The following PTCH1 variants were observed in gnomAD, a reference collection of about 807,000 sequenced individuals.
PTCH1 encodes the protein protein patched homolog 1.
In PTCH1, 14 loss-of-function variants were observed where a neutral mutation model predicts 144.6. The observed-to-expected ratio is 0.10, with a 90% CI of 0.06 to 0.15. The LOEUF (loss-of-function observed/expected upper bound fraction) is 0.15. Ranked by LOEUF, PTCH1 falls within the 10% of genes least tolerant of loss-of-function variation. PTCH1 has a pLI of 1.00. For missense variants in PTCH1, 1,623 were observed against 1,948.3 expected (o/e 0.83, Z 3.14); for synonymous variants, 833 against 793.6 (o/e 1.05, Z -0.83).
At position 95,457,963 on chromosome 9, in the gene PTCH1, C is replaced by A. The variant is rs750349387; in HGVS notation, c.3168+50G>T. On this transcript the variant is annotated intron_variant, in intron 18 of 23. Coordinates refer to ENST00000331920, the MANE Select transcript of PTCH1 (RefSeq NM_000264.5). ...CAAAACTTCCCGGCTGCAGAAAGAG[C>A]TATGCTGAAAGGAATTTGACTTCCA... 5.0e-6 allele frequency: 8 copies of A among 1,609,658 alleles called. No individual in the cohort carries two copies. The East Asian group carries it at 1.8e-4, about 36-fold the overall frequency.
At chr9:95,494,118 G>C (rs1564073225) in intron 2 of PTCH1, 1 of 780,302 alleles carries the variant, frequency 1.3e-6, no homozygotes, top group Non-Finnish European at 1.6e-6. Flanking sequence ...GCTGGGCGCA[G>C]GTAGTGCGCA....
Position 95,458,912 on chromosome 9 carries a change from C to T in PTCH1, c.2888-619G>A, listed in dbSNP as rs778287013. ...CATTAAGACAAGCCTTGGCTGCCTG[C>T]CACAGGGCTCTGGGCAGCACTGGAT... On this transcript the variant is annotated intron_variant, in intron 17 of 23. Transcript: ENST00000331920. This position sits in a 1 kb window ranked among gnomAD's most constrained non-coding sequence, Gnocchi z 4.7. Among the ~76,000 whole-genome samples the T allele has an allele frequency of 2.0e-5, 3 of 152,164 alleles. No individual in the cohort carries two copies. Among genetic ancestry groups the T allele is most frequent in the Non-Finnish European group, 2.9e-5 (2 of 68,044 alleles).
At chr9:95,462,204 G>C (rs567301883) in intron 15 of PTCH1, among the ~76,000 whole-genome samples, 1 of 152,118 alleles carries the variant, frequency 6.6e-6, no homozygotes, top group Non-Finnish European at 1.5e-5. Flanking sequence ...CTGCTCAAAA[G>C]GGGGGAAGGA....
In PTCH1 at chr9:95,446,897, T is replaced by C; in HGVS notation, c.*1+14A>G. ...GCTCTAGGTCCCTTGGCTGCCCTTGTCAGTGGCACTCACCTCAGTTGGAGC... is the reference window on the plus strand; with the variant it reads ...GCTCTAGGTCCCTTGGCTGCCCTTGCCAGTGGCACTCACCTCAGTTGGAGC... On this transcript the variant is annotated intron_variant, in intron 23 of 23. Coordinates refer to ENST00000331920, the MANE Select transcript of PTCH1 (RefSeq NM_000264.5). The C allele has an allele frequency of 6.2e-7, 1 of 1,613,574 alleles. No individual in the cohort carries two copies. Among genetic ancestry groups the C allele is most frequent in the Non-Finnish European group, 8.5e-7 (1 of 1,179,996 alleles).
intron 1 of PTCH1, 38 bp from the exon 2 acceptor site, chr9:95,506,637 A>T (rs2118882711): frequency 1.4e-6 from 2 of 1,457,222 alleles, no homozygotes; most frequent in Non-Finnish European, 1.9e-6. Context: ...AGCGCCGGGG[A>T]GTCGCGGCCC....
intron 15 of PTCH1, 121 bp from the exon 16 acceptor site, chr9:95,462,119 AC>A: frequency 8.8e-7 from 1 of 1,139,206 alleles, no homozygotes; most frequent in Non-Finnish European, 1.3e-6. Flanking sequence ...TCAGAAACAC[AC>A]CCTCTGTGTC....
At chr9:95,491,440 C>CA (rs1842402349) in intron 2 of PTCH1, among the ~76,000 whole-genome samples, 1 of 152,156 alleles carries the variant, frequency 6.6e-6, no homozygotes, top group Non-Finnish European at 1.5e-5. Context: ...CCTTAGCTGA[C>CA]AATGTGTGTG....
At chr9:95,471,805 C>T (rs556493951) in intron 12 of PTCH1, among the ~76,000 whole-genome samples, 226 of 152,192 alleles carry the variant, frequency 1.5e-3, no homozygotes, top group Admixed American at 4.6e-3. Flanking sequence ...TGTGGGAGGC[C>T]GAGGCGGGCA....
intron 22 of PTCH1, among the ~76,000 whole-genome samples, chr9:95,447,982 C>T (rs1038668964): frequency 2.0e-5 from 3 of 152,246 alleles, no homozygotes; most frequent in Admixed American, 1.3e-4. Context: ...TCCACAGCCA[C>T]GTGTGGCCGG....
intron 9 of PTCH1, 108 bp downstream of exon 9, chr9:95,477,947 G>A: frequency 6.4e-7 from 1 of 1,568,328 alleles, no homozygotes; most frequent in Non-Finnish European, 8.8e-7. Context: ...TGTCCTGGAT[G>A]CACATCGATG....
Position 95,485,880 on chromosome 9 carries a change from A to G in PTCH1, c.395-6T>C, listed in dbSNP as rs1162835966. ...ACGACTTACTCGTCCTCCAACTGACAAATATGTACAGGTTTAATTAGAATA... is the reference window on the plus strand; with the variant it reads ...ACGACTTACTCGTCCTCCAACTGACGAATATGTACAGGTTTAATTAGAATA... On this transcript the variant is annotated splice_region_variant and splice_polypyrimidine_tract_variant and intron_variant, in intron 2 of 23. Coordinates refer to ENST00000331920, the MANE Select transcript of PTCH1 (RefSeq NM_000264.5). 6.2e-7 allele frequency: 1 copy of G among 1,614,138 alleles called. No individual in the cohort carries two copies. The highest frequency in any genetic ancestry group is 8.5e-7 in the Non-Finnish European group (1 of 1,180,012).
At chr9:95,515,727 G>C (rs1054295999) in intron 1 of PTCH1, among the ~76,000 whole-genome samples, 6 of 152,198 alleles carry the variant, frequency 3.9e-5, no homozygotes, top group African/African-American at 1.4e-4. Context: ...CCACCCAAGC[G>C]CCTGAATCGG....
intron 1 of PTCH1, 199 bp downstream of exon 1, chr9:95,507,962 C>T (rs773374381): frequency 1.4e-6 from 2 of 1,476,186 alleles, no homozygotes; most frequent in South Asian, 1.3e-5. Context: ...TCAGACAGCC[C>T]TTTCCTCCCA....
chr9:95,511,847 G>A (rs1011937966), upstream of PTCH1, among the ~76,000 whole-genome samples: 4 of 152,196 alleles, frequency 2.6e-5, no homozygotes, highest in African/African-American at 9.7e-5. Flanking sequence ...CTGGGGGAGG[G>A]GGGTAGTACC....
In PTCH1 at chr9:95,509,111, C is replaced by A. The variant is rs1463185266; in HGVS notation, c.-750G>T. ...TGGACCATTCTGTCCCCGTGCAGCG[C>A]GCCTCTCTCGCTCCCGGGACCTGGG... On this transcript the variant is annotated 5_prime_UTR_variant, in exon 1 of 24. Coordinates refer to ENST00000331920, the MANE Select transcript of PTCH1 (RefSeq NM_000264.5). Among the ~76,000 whole-genome samples, 1 of 152,096 alleles carries A rather than the reference C, an allele frequency of 6.6e-6. No individual in the cohort carries two copies. Among genetic ancestry groups the A allele is most frequent in the Non-Finnish European group, 1.5e-5 (1 of 67,996 alleles).
intron 22 of PTCH1, 58 bp from the exon 23 acceptor site, chr9:95,447,509 C>G: frequency 6.8e-7 from 1 of 1,468,332 alleles, no homozygotes; most frequent in Non-Finnish European, 9.1e-7. Flanking sequence ...ATGGTCCCCG[C>G]AGCTCCCACA....
intron 18 of PTCH1, among the ~76,000 whole-genome samples, chr9:95,457,296 T>G (rs949578357): frequency 1.3e-5 from 2 of 152,166 alleles, no homozygotes; most frequent in African/African-American, 4.8e-5. Flanking sequence ...ATGGACAACA[T>G]CAATTGCTAA....
At chr9:95,499,159 A>C (rs1842980587) in intron 2 of PTCH1, among the ~76,000 whole-genome samples, 1 of 152,122 alleles carries the variant, frequency 6.6e-6, no homozygotes, top group Admixed American at 6.5e-5. Context: ...GTATGGGTTG[A>C]AGAAACTTGT....
intron 3 of PTCH1, chr9:95,483,293 A>C (rs899631942): frequency 2.7e-5 from 4 of 148,394 alleles, no homozygotes; most frequent in African/African-American, 9.9e-5. Flanking sequence ...CGGGAGTTTT[A>C]TTGTCTCTAG....
Sources: gnomAD v4.1 joint callset for allele counts (sites outside exome capture counted in the v4.1 genomes callset) on GRCh38, gnomAD v4.1.1 for gene constraint, Gnocchi (gnomAD v3.1) non-coding constraint, MANE v1.5 for transcripts, NCBI Gene and HGNC (gene_info 2026-07-23, HGNC 2026-07-21) for gene names.